The following ARHGAP11B variants were observed in gnomAD, a reference collection of about 807,000 sequenced individuals.
ARHGAP11B encodes inactive Rho GTPase-activating protein 11B.
Under a neutral mutation model 27.6 loss-of-function variants are expected in ARHGAP11B, and 14 were observed. That is an observed-to-expected ratio of 0.51 (90% CI 0.34 to 0.79). ARHGAP11B has a LOEUF of 0.79. Ranked by LOEUF, ARHGAP11B falls within the 30% of genes least tolerant of loss-of-function variation. ARHGAP11B has a pLI of 0.02. For synonymous variants in ARHGAP11B, 82 were observed against 114.1 expected, an observed-to-expected ratio of 0.72 and a Z score of 1.80; for missense variants, 245 against 320.1, an observed-to-expected ratio of 0.77 and a Z score of 1.79.
intron 8 of ARHGAP11B, among the ~76,000 whole-genome samples, chr15:30,645,861 C>CT (rs1260531781): frequency 1.3e-5 from 2 of 152,006 alleles, no homozygotes; most frequent in Admixed American, 1.3e-4. Flanking sequence ...GACAATTCTG[C>CT]TTTAGACATC....
exon 11 of ARHGAP11B, among the ~76,000 whole-genome samples, chr15:30,648,429 GA>G (rs1468663581): frequency 3.3e-5 from 5 of 151,938 alleles, no homozygotes; most frequent in Non-Finnish European, 5.9e-5. Flanking sequence ...AGGGTGAGTG[GA>G]ACAAGGAAAT....
chr15:30,631,530 G>A (rs2060245278), intron 2 of ARHGAP11B, among the ~76,000 whole-genome samples: 2 of 151,822 alleles, frequency 1.3e-5, no homozygotes, highest in South Asian at 2.1e-4. Context: ...GCTGGGCAAG[G>A]TGGTGTACAC....
intron 9 of ARHGAP11B, among the ~76,000 whole-genome samples, chr15:30,646,998 A>G (rs1005445703): frequency 1.3e-5 from 2 of 151,936 alleles, no homozygotes; most frequent in African/African-American, 2.4e-5. Context: ...ACGTGATATC[A>G]TAAGACCTTT....
At chr15:30,644,246 C>T (rs1387910209) in intron 7 of ARHGAP11B, among the ~76,000 whole-genome samples, 1 of 152,034 alleles carries the variant, frequency 6.6e-6, no homozygotes, top group East Asian at 1.9e-4. Context: ...AGAATGTCAG[C>T]TCTCTGAAAA....
intron 1 of ARHGAP11B, among the ~76,000 whole-genome samples, chr15:30,630,301 AAAAG>A (rs2060236285): frequency 6.6e-6 from 1 of 152,110 alleles, no homozygotes; most frequent in Non-Finnish European, 1.5e-5. Flanking sequence ...TAAGGTGACC[AAAAG>A]AAAGTATCTA....
At chr15:30,645,449 T>C in intron 8 of ARHGAP11B, among the ~76,000 whole-genome samples, 1 of 152,018 alleles carries the variant, frequency 6.6e-6, no homozygotes, top group Non-Finnish European at 1.5e-5. Flanking sequence ...AGCAAAATAT[T>C]AATAGTGCTT....
chr15:30,646,542 T>G (rs1242527445), intron 9 of ARHGAP11B, among the ~76,000 whole-genome samples: 2 of 151,880 alleles, frequency 1.3e-5, no homozygotes, highest in Non-Finnish European at 2.9e-5. Flanking sequence ...CTTGTAAGAT[T>G]TTAAAAAAAT....
chr15:30,632,388 C>G (rs1046382359), intron 2 of ARHGAP11B, among the ~76,000 whole-genome samples: 2 of 150,280 alleles, frequency 1.3e-5, no homozygotes, highest in African/African-American at 4.9e-5. Flanking sequence ...ACCACTCCAG[C>G]CTGGGTGACA....
At position 30,636,847 on chromosome 15, in the gene ARHGAP11B, T is replaced by C. The variant is rs559330606; in HGVS notation, c.*3+1214T>C. On this transcript the variant is annotated intron_variant, in intron 6 of 10. Coordinates refer to ENST00000428041, the Ensembl canonical transcript of ARHGAP11B. ...TATGTCATCCCATGGTGTTGCTCTGTGTCAGAACTTCCCTCTTACAGGGCA... is the reference window on the plus strand; with the variant it reads ...TATGTCATCCCATGGTGTTGCTCTGCGTCAGAACTTCCCTCTTACAGGGCA... 3.3e-5 allele frequency among the ~76,000 whole-genome samples: 5 copies of C among 152,196 alleles called. No homozygotes were observed. In the South Asian group the frequency reaches 1.0e-3, roughly 32 times the overall value.
At chr15:30,640,547 G>C (rs931191855) in intron 7 of ARHGAP11B, among the ~76,000 whole-genome samples, 1 of 150,152 alleles carries the variant, frequency 6.7e-6, no homozygotes, top group African/African-American at 2.4e-5. Flanking sequence ...CTAAGCCCAG[G>C]GTCCTCCATC....
chr15:30,646,924 G>C (rs575535691), intron 9 of ARHGAP11B, among the ~76,000 whole-genome samples: 1 of 152,118 alleles, frequency 6.6e-6, no homozygotes, highest in South Asian at 2.1e-4. Context: ...AGCCGAGATT[G>C]CGGCATTGCA....
chr15:30,643,011 G>A (rs556787317), intron 7 of ARHGAP11B, among the ~76,000 whole-genome samples: 7 of 152,126 alleles, frequency 4.6e-5, no homozygotes, highest in Admixed American at 2.6e-4. Flanking sequence ...TCATATGTCT[G>A]TGTAATGATG....
intron 8 of ARHGAP11B, among the ~76,000 whole-genome samples, chr15:30,645,165 A>G (rs1489095645): frequency 6.6e-6 from 1 of 151,880 alleles, no homozygotes; most frequent in Non-Finnish European, 1.5e-5. Context: ...TAATTATTAC[A>G]TTTCTGTTGA....
intron 2 of ARHGAP11B, 35 bp from the exon 3 acceptor site, chr15:30,633,455 G>A (rs867852369): frequency 6.4e-7 from 1 of 1,571,278 alleles, no homozygotes. Flanking sequence ...GATGTGATAT[G>A]TATGTCTAGC....
intron 1 of ARHGAP11B, among the ~76,000 whole-genome samples, chr15:30,628,955 T>G (rs570181025): frequency 6.6e-6 from 1 of 152,208 alleles, no homozygotes; most frequent in South Asian, 2.1e-4. Context: ...ATCTGGTTTA[T>G]TTTTACATTT....
At chr15:30,637,035 G>A (rs903135912) in intron 6 of ARHGAP11B, among the ~76,000 whole-genome samples, 7 of 151,944 alleles carry the variant, frequency 4.6e-5, no homozygotes, top group South Asian at 2.1e-4. Context: ...ATCCCAAATG[G>A]AGATATTTCT....
chr15:30,633,995 T>C (rs1257743371), intron 3 of ARHGAP11B, among the ~76,000 whole-genome samples, 175 bp from the exon 4 acceptor site: 1 of 151,500 alleles, frequency 6.6e-6, no homozygotes, highest in Non-Finnish European at 1.5e-5. Context: ...GCCACATTTC[T>C]ATAAAAATAA....
chr15:30,637,642 G>T (rs2060288813), intron 6 of ARHGAP11B, among the ~76,000 whole-genome samples: 1 of 151,894 alleles, frequency 6.6e-6, no homozygotes, highest in South Asian at 2.1e-4. Context: ...GCTGAGGCAG[G>T]AGAATGGTGT....
exon 11 of ARHGAP11B, chr15:30,648,792 A>G (rs1479101030): frequency 6.6e-6 from 1 of 152,002 alleles, no homozygotes; most frequent in Non-Finnish European, 1.5e-5. Flanking sequence ...TTATTCTTCG[A>G]TGCTGGTAAA....
Sources: allele counts gnomAD v4.1 joint callset (sites outside exome capture counted in the v4.1 genomes callset), GRCh38; gene constraint gnomAD v4.1.1; transcripts MANE v1.5; gene names NCBI Gene and HGNC (gene_info 2026-07-23, HGNC 2026-07-21).